Variants in VPS53 observed in about 807,000 individuals in gnomAD.
VPS53 encodes the protein VPS53 subunit of GARP complex.
VPS53 carries 70 observed loss-of-function variants against 107.0 expected under a neutral mutation model. That is an observed-to-expected ratio of 0.65 (90% CI 0.54 to 0.80). The LOEUF (loss-of-function observed/expected upper bound fraction) is 0.80, where lower values mean the gene tolerates loss of function less well. VPS53 is among the 30% of genes least tolerant of loss of function. VPS53 has a pLI of 0.00. For missense variants in VPS53, 917 were observed against 1,049.4 expected (o/e 0.87, Z 1.74); for synonymous variants, 409 against 393.3 (o/e 1.04, Z -0.47).
intron 6 of VPS53, among the ~76,000 whole-genome samples, chr17:653,759 G>T (rs1971057697): frequency 6.6e-6 from 1 of 152,242 alleles, no homozygotes; most frequent in Admixed American, 6.5e-5. Context: ...GGAAGACGAT[G>T]AATTTAGAAT....
chr17:666,166 A>G (rs71355298), intron 4 of VPS53, among the ~76,000 whole-genome samples: 2 of 152,220 alleles, frequency 1.3e-5, no homozygotes, highest in Non-Finnish European at 1.5e-5. Flanking sequence ...ACCTAGGAAG[A>G]CAGAATACAC....
At chr17:657,575 C>A in intron 5 of VPS53, 1 of 905,488 alleles carries the variant, frequency 1.1e-6, no homozygotes, top group South Asian at 1.4e-5. Context: ...AAAAGAGGAC[C>A]TTTGTCTTCC....
intron 7 of VPS53, among the ~76,000 whole-genome samples, chr17:639,993 C>A (rs891061215): frequency 6.6e-6 from 1 of 152,206 alleles, no homozygotes; most frequent in Non-Finnish European, 1.5e-5. Context: ...GCCCTGCCCC[C>A]AGAGGTGGAG....
chr17:568,366 T>A (rs539761370), intron 13 of VPS53, among the ~76,000 whole-genome samples: 140 of 152,196 alleles, frequency 9.2e-4, no homozygotes, highest in Admixed American at 2.6e-3. Context: ...CCCAGCCTCC[T>A]GAGTAGCTGG....
chr17:586,430 T>C, intron 12 of VPS53, 66 bp from the exon 13 acceptor site: 4 of 1,457,210 alleles, frequency 2.7e-6, no homozygotes. Flanking sequence ...AGAATTTTTT[T>C]AAAAACATCA....
At chr17:681,826 G>A (rs1972404899) in intron 4 of VPS53, among the ~76,000 whole-genome samples, 1 of 152,202 alleles carries the variant, frequency 6.6e-6, no homozygotes, top group Non-Finnish European at 1.5e-5. Context: ...CTCACATGGG[G>A]AAAGGGGCAA....
intron 17 of VPS53, chr17:540,269 G>A (rs886439573): frequency 6.6e-6 from 1 of 152,052 alleles, no homozygotes; most frequent in African/African-American, 2.4e-5. Context: ...CTGCAGCCTT[G>A]ACTTCCTGGG....
intron 11 of VPS53, among the ~76,000 whole-genome samples, chr17:621,541 A>G (rs1159679805): frequency 6.6e-6 from 1 of 152,244 alleles, no homozygotes; most frequent in Admixed American, 6.5e-5. Flanking sequence ...ATCAAGCTGT[A>G]TACTAGCCCT....
At chr17:571,565 TCTTTCCAC>T (rs1286648616) in intron 13 of VPS53, among the ~76,000 whole-genome samples, 17 of 123,386 alleles carry the variant, frequency 1.4e-4, no homozygotes, top group African/African-American at 4.7e-4. Context: ...CCTCTCCCTC[TCTTTCCAC>T]GGTCTCCCTC....
At chr17:700,363 C>T (rs1301253516) in intron 2 of VPS53, among the ~76,000 whole-genome samples, 2 of 151,176 alleles carry the variant, frequency 1.3e-5, no homozygotes, top group African/African-American at 2.4e-5. Context: ...ACCGTCATGG[C>T]GAAACCCCAT....
At chr17:703,507 G>C (rs1387355912) in intron 2 of VPS53, among the ~76,000 whole-genome samples, 1 of 152,214 alleles carries the variant, frequency 6.6e-6, no homozygotes, top group Non-Finnish European at 1.5e-5. Context: ...CCTGGAGTTG[G>C]GGAAAAGCCC....
intron 11 of VPS53, among the ~76,000 whole-genome samples, chr17:614,950 C>G (rs1487370136): frequency 6.6e-6 from 1 of 151,964 alleles, no homozygotes; most frequent in African/African-American, 2.4e-5. Context: ...ACAAAAAAAA[C>G]AAAAAACAAA....
At chr17:537,359 G>T in intron 17 of VPS53, 183 bp from the exon 18 acceptor site, 1 of 666,062 alleles carries the variant, frequency 1.5e-6, no homozygotes, top group Non-Finnish European at 2.5e-6. Context: ...ACAAATGCGA[G>T]TGTGCCCAGC....
intron 15 of VPS53, among the ~76,000 whole-genome samples, chr17:559,025 G>A (rs1912701977): frequency 1.3e-5 from 2 of 151,966 alleles, no homozygotes; most frequent in Admixed American, 1.3e-4. Flanking sequence ...ATAATTTATG[G>A]TATAGTCCCT....
At chr17:668,833 C>G (rs1971814180) in intron 4 of VPS53, among the ~76,000 whole-genome samples, 1 of 152,172 alleles carries the variant, frequency 6.6e-6, no homozygotes, top group Admixed American at 6.5e-5. Context: ...GGTTTCTATC[C>G]CTTTCTCTCT....
intron 2 of VPS53, among the ~76,000 whole-genome samples, chr17:703,904 G>A (rs1222975652): frequency 6.6e-6 from 1 of 151,428 alleles, no homozygotes; most frequent in Non-Finnish European, 1.5e-5. Flanking sequence ...AGGCTCAAGC[G>A]ATCCTCCTGC....
In VPS53 at chr17:555,480, AG is replaced by A. The variant is rs1429870280; in HGVS notation, c.1705-2019del. On this transcript the variant is annotated intron_variant, in intron 15 of 21. Transcript: ENST00000437048. ...CCAAAGTGCTGGGATTACAGACGTG[AG>A]CCACCACGCCCGGCCCTAATTTTTG... Among the ~76,000 whole-genome samples the A allele has an allele frequency of 2.6e-5, 4 of 152,154 alleles. No individual in the cohort carries two copies. In the East Asian group the frequency reaches 7.7e-4, roughly 29 times the overall value.
At position 623,506 on chromosome 17, in the gene VPS53, G is replaced by A. The variant is rs73975715; in HGVS notation, c.1116+27C>T. ...CAACCACCCAACCCACTGATTTCAC[G>A]TGGCAGCTCCCTAGGGAAGGTCTTA... On this transcript the variant is annotated intron_variant, in intron 11 of 21. Transcript: ENST00000437048. 0.025 allele frequency: 40,011 copies of A among 1,592,688 alleles called. 690 individuals carry two copies. Among genetic ancestry groups the A allele is most frequent in the East Asian group, 0.081 (3,622 of 44,480 alleles).
intron 7 of VPS53, chr17:632,949 A>T: frequency 2.7e-6 from 1 of 368,634 alleles, no homozygotes; most frequent in South Asian, 2.1e-5. Flanking sequence ...TGAACTGCTA[A>T]ATGATCACTA....
Sources: allele counts gnomAD v4.1 joint callset (sites outside exome capture counted in the v4.1 genomes callset), GRCh38; gene constraint gnomAD v4.1.1; transcripts MANE v1.5; gene names NCBI Gene and HGNC (gene_info 2026-07-23, HGNC 2026-07-21).